MGST1: variants seen among roughly 807,000 people sequenced by gnomAD.
The protein encoded by MGST1 is microsomal glutathione S-transferase 1, also known as glutathione S-transferase 12.
In MGST1, 5 loss-of-function variants were observed where a neutral mutation model predicts 8.9. The ratio of observed to expected loss-of-function variants is 0.56; its 90% CI spans 0.29 to 1.19. MGST1 has a LOEUF of 1.19. Ranked by LOEUF, MGST1 falls within the 50% of genes most tolerant of loss-of-function variation. MGST1 has a pLI of 0.08. For missense variants in MGST1, 182 were observed against 187.4 expected (o/e 0.97, Z 0.17); for synonymous variants, 54 against 67.8 (o/e 0.80, Z 1.00).
At chr12:16,357,843 T>A in intron 3 of MGST1, 144 bp downstream of exon 3, 2 of 609,012 alleles carry the variant, frequency 3.3e-6, no homozygotes, top group Non-Finnish European at 5.7e-6. Context: ...GAAAACTGGA[T>A]GTCTGAAATT....
In MGST1 at chr12:16,404,669, T is replaced by C. The variant is rs925242983; in HGVS notation, n.778+21065T>C. ...AAGGACCATAGGAGCTTTTGCTTCATTTATTCCTCTCCCTATTTTTGTGTT... is the reference window on the plus strand; with the variant it reads ...AAGGACCATAGGAGCTTTTGCTTCACTTATTCCTCTCCCTATTTTTGTGTT... On this transcript the variant is annotated intron_variant and non_coding_transcript_variant, in intron 1 of 1. Coordinates refer to the MGST1 transcript ENST00000359720. Among the ~76,000 whole-genome samples, 4 of 152,192 alleles carry C rather than the reference T, an allele frequency of 2.6e-5. No homozygotes were observed. The East Asian group carries it at 7.7e-4, about 29-fold the overall frequency.
chr12:16,384,540 T>C (rs1047562288), intron 1 of MGST1, among the ~76,000 whole-genome samples: 1 of 152,074 alleles, frequency 6.6e-6, no homozygotes, highest in Non-Finnish European at 1.5e-5. Flanking sequence ...CCCTGGAGAA[T>C]CCAGACAGAA....
At chr12:16,405,503 A>G (rs1345160649) in intron 1 of MGST1, among the ~76,000 whole-genome samples, 1 of 152,202 alleles carries the variant, frequency 6.6e-6, no homozygotes. Context: ...AAGAGCTGGT[A>G]TCATTCTACT....
chr12:16,388,466 C>T (rs1353237417), intron 1 of MGST1, among the ~76,000 whole-genome samples: 2 of 152,092 alleles, frequency 1.3e-5, no homozygotes, highest in Admixed American at 1.3e-4. Flanking sequence ...CTGAAGGTGG[C>T]TCACACTAGC....
intron 1 of MGST1, among the ~76,000 whole-genome samples, chr12:16,422,252 A>T (rs919392017): frequency 4.6e-5 from 7 of 152,128 alleles, no homozygotes; most frequent in Admixed American, 4.6e-4. Flanking sequence ...TGTGTATATG[A>T]ATCTATCCAT....
chr12:16,446,005 A>T (rs1941076960), intron 4 of MGST1, among the ~76,000 whole-genome samples: 1 of 151,938 alleles, frequency 6.6e-6, no homozygotes, highest in South Asian at 2.1e-4. Context: ...ATTGGCATGT[A>T]TGTCAAAACC....
At position 16,560,371 on chromosome 12, in the gene MGST1, G is replaced by A. The variant is rs201376237; in HGVS notation, n.483-29157G>A. 3,226 of 1,591,566 alleles carry A rather than the reference G, an allele frequency of 2.0e-3. 5 individuals are homozygous for A. Among genetic ancestry groups the A allele is most frequent in the Non-Finnish European group, 2.5e-3 (2,978 of 1,169,604 alleles). ...CTATTAAATAAATAGCCAGCACAGA[G>A]AGGTTAACCATTTCTTAGAGACCAA... is the stretch of plus-strand genomic sequence containing the variant. On this transcript the variant is annotated intron_variant and non_coding_transcript_variant, in intron 4 of 4. Transcript: ENST00000538857. This position sits in a 1 kb window ranked among gnomAD's most constrained non-coding sequence, Gnocchi z 5.0.
chr12:16,377,469 C>T (rs1192552091), downstream of MGST1, among the ~76,000 whole-genome samples: 1 of 151,982 alleles, frequency 6.6e-6, no homozygotes, highest in Non-Finnish European at 1.5e-5. Flanking sequence ...CTACAAAGGA[C>T]ATGAACTCAT....
At chr12:16,432,691 C>T (rs1437111481) in intron 1 of MGST1, among the ~76,000 whole-genome samples, 2 of 129,888 alleles carry the variant, frequency 1.5e-5, no homozygotes, top group African/African-American at 6.1e-5. Flanking sequence ...CACACACACA[C>T]ACACACACAC....
chr12:16,481,689 C>A (rs1299932674), intron 4 of MGST1, among the ~76,000 whole-genome samples: 1 of 151,292 alleles, frequency 6.6e-6, no homozygotes, highest in Non-Finnish European at 1.5e-5. Flanking sequence ...AAAGAACATA[C>A]AAAATACAGC....
chr12:16,447,614 G>A (rs1941090438), intron 4 of MGST1, among the ~76,000 whole-genome samples: 3 of 152,046 alleles, frequency 2.0e-5, no homozygotes, highest in Admixed American at 1.3e-4. Context: ...TTCCTAGCAA[G>A]GGCCCCAAGC....
rs867353923 is a variant in MGST1 at position 16,582,903 on chromosome 12, C to T, written n.483-6625C>T. Among the ~76,000 whole-genome samples, 2 of 151,886 alleles carry T rather than the reference C, an allele frequency of 1.3e-5. No homozygotes were observed. The highest frequency in any genetic ancestry group is 3.2e-3 in the Middle Eastern group (1 of 316). On this transcript the variant is annotated intron_variant and non_coding_transcript_variant, in intron 4 of 4. Transcript: ENST00000538857. The surrounding 1 kb of genome is among the most constrained non-coding windows in gnomAD (Gnocchi z 4.1). Reference sequence around the variant, plus strand: ...TCTCTACTAAAATAAAAAAATTAGCCGGGAGTGGTGGCATGCACCTGTAAT... The same window carrying T: ...TCTCTACTAAAATAAAAAAATTAGCTGGGAGTGGTGGCATGCACCTGTAAT...
At chr12:16,520,123 A>G (rs1941639164) in intron 4 of MGST1, among the ~76,000 whole-genome samples, 1 of 152,106 alleles carries the variant, frequency 6.6e-6, no homozygotes, top group African/African-American at 2.4e-5. Flanking sequence ...ATTGCCTGAA[A>G]TTTTCGACCC....
chr12:16,409,710 T>G (rs750356089), intron 1 of MGST1, among the ~76,000 whole-genome samples: 4 of 152,162 alleles, frequency 2.6e-5, no homozygotes, highest in Non-Finnish European at 1.5e-5. Flanking sequence ...TAAGTCAGCC[T>G]TTAACTATTT....
intron 4 of MGST1, among the ~76,000 whole-genome samples, chr12:16,490,104 A>G (rs1201555604): frequency 6.7e-6 from 1 of 149,342 alleles, no homozygotes; most frequent in Non-Finnish European, 1.5e-5. Flanking sequence ...TTTACAAAAG[A>G]AAAAAAAAAG....
intron 4 of MGST1, among the ~76,000 whole-genome samples, chr12:16,495,730 T>G (rs1941465679): frequency 6.6e-6 from 1 of 151,972 alleles, no homozygotes; most frequent in African/African-American, 2.4e-5. Flanking sequence ...GTCTGGACTA[T>G]ATGATCTGCC....
At chr12:16,441,490 T>A (rs945577800), downstream of MGST1, among the ~76,000 whole-genome samples, 1 of 151,892 alleles carries the variant, frequency 6.6e-6, no homozygotes, top group Non-Finnish European at 1.5e-5. Context: ...GCTCTGCCTA[T>A]TCATATCTGC....
intron 1 of MGST1, among the ~76,000 whole-genome samples, chr12:16,406,074 CAGAA>C (rs1032326136): frequency 3.3e-5 from 5 of 152,058 alleles, no homozygotes; most frequent in African/African-American, 1.2e-4. Context: ...ATTCAGGCAA[CAGAA>C]AGAAAGAAAG....
chr12:16,394,178 C>T (rs1483868421), intron 1 of MGST1, among the ~76,000 whole-genome samples: 1 of 152,166 alleles, frequency 6.6e-6, no homozygotes, highest in Non-Finnish European at 1.5e-5. Flanking sequence ...ACACTTGATG[C>T]TGTTAGAACT....
Sources: allele counts gnomAD v4.1 joint callset (sites outside exome capture counted in the v4.1 genomes callset), GRCh38; gene constraint gnomAD v4.1.1; non-coding constraint Gnocchi (gnomAD v3.1); transcripts MANE v1.5; gene names NCBI Gene and HGNC (gene_info 2026-07-23, HGNC 2026-07-21).